PTPRD: variants seen among roughly 807,000 people sequenced by gnomAD.
The protein encoded by PTPRD is protein tyrosine phosphatase receptor type D.
PTPRD carries 34 observed loss-of-function variants against 214.5 expected under a neutral mutation model. The observed-to-expected ratio is 0.16, with a 90% CI of 0.12 to 0.21. The LOEUF is 0.21. Among genes scored for constraint, PTPRD ranks in the 10% least tolerant of loss-of-function variants. PTPRD has a pLI of 1.00. For missense variants in PTPRD, 2,545 were observed against 2,398.7 expected, an observed-to-expected ratio of 1.06 and a Z score of -1.27; for synonymous variants, 1,128 against 845.7, an observed-to-expected ratio of 1.33 and a Z score of -5.79.
chr9:9,474,695 C>T (rs2094892867), intron 8 of PTPRD, among the ~76,000 whole-genome samples: 1 of 151,242 alleles, frequency 6.6e-6, no homozygotes, highest in South Asian at 2.1e-4. Context: ...TTTTTTGTAG[C>T]TATTATAAAT....
chr9:9,766,554 T>G (rs966999308), intron 6 of PTPRD, among the ~76,000 whole-genome samples: 9 of 152,144 alleles, frequency 5.9e-5, no homozygotes, highest in African/African-American at 2.2e-4. Context: ...ATTATTTAAC[T>G]TGCAAGAGCA....
At chr9:9,973,591 G>A (rs1027270116) in intron 4 of PTPRD, among the ~76,000 whole-genome samples, 8 of 151,904 alleles carry the variant, frequency 5.3e-5, no homozygotes, top group Admixed American at 2.0e-4. Context: ...AACTTTCTTC[G>A]CTAGGAAAGG....
chr9:8,711,763 CG>C (rs1208251343), intron 12 of PTPRD, among the ~76,000 whole-genome samples: 1 of 152,176 alleles, frequency 6.6e-6, no homozygotes, highest in African/African-American at 2.4e-5. Context: ...ACTGATAAAA[CG>C]TATTTCTCCC....
chr9:8,966,380 T>A (rs1247579618), intron 11 of PTPRD, among the ~76,000 whole-genome samples: 1 of 150,834 alleles, frequency 6.6e-6, no homozygotes, highest in Non-Finnish European at 1.5e-5. Flanking sequence ...CAAAACAGCA[T>A]GGTACTGGCA....
At chr9:9,793,511 T>C (rs923450115) in intron 5 of PTPRD, among the ~76,000 whole-genome samples, 9 of 152,164 alleles carry the variant, frequency 5.9e-5, no homozygotes, top group African/African-American at 2.2e-4. Flanking sequence ...CAGATAGATA[T>C]GTACGTCTGT....
At chr9:9,596,654 G>T (rs182633502) in intron 7 of PTPRD, among the ~76,000 whole-genome samples, 1 of 152,034 alleles carries the variant, frequency 6.6e-6, no homozygotes, top group African/African-American at 2.4e-5. Flanking sequence ...ATAGTCTAGG[G>T]TATGGTTCAG....
intron 5 of PTPRD, among the ~76,000 whole-genome samples, chr9:9,909,643 T>C (rs1050815035): frequency 1.3e-5 from 2 of 151,998 alleles, no homozygotes; most frequent in South Asian, 2.1e-4. Context: ...AATTACTTTT[T>C]TAATTTCTCA....
At chr9:10,003,489 T>C (rs2096386564) in intron 4 of PTPRD, among the ~76,000 whole-genome samples, 1 of 151,736 alleles carries the variant, frequency 6.6e-6, no homozygotes, top group African/African-American at 2.4e-5. Context: ...AATTGTGTGT[T>C]CTGAATTAGA....
chr9:9,648,670 T>C (rs2096258246), intron 7 of PTPRD, among the ~76,000 whole-genome samples: 1 of 152,208 alleles, frequency 6.6e-6, no homozygotes, highest in Admixed American at 6.5e-5. Context: ...CCATATTTTG[T>C]CTATATTTAT....
At chr9:8,628,050 G>A (rs1564820127) in intron 14 of PTPRD, among the ~76,000 whole-genome samples, 1 of 151,706 alleles carries the variant, frequency 6.6e-6, no homozygotes, top group African/African-American at 2.4e-5. Flanking sequence ...GTTCTGTGTT[G>A]GCCACCCTTC....
intron 12 of PTPRD, among the ~76,000 whole-genome samples, chr9:8,670,779 G>C (rs903012096): frequency 7.2e-5 from 11 of 152,182 alleles, no homozygotes; most frequent in African/African-American, 2.7e-4. Flanking sequence ...CTAAGACTAG[G>C]GGTGTGGATG....
intron 12 of PTPRD, among the ~76,000 whole-genome samples, chr9:8,723,242 A>T (rs1196744718): frequency 2.0e-5 from 3 of 151,400 alleles, no homozygotes; most frequent in Admixed American, 2.0e-4. Flanking sequence ...GATGCTCTGA[A>T]CTCCATTTTT....
chr9:9,963,153 T>TA (rs980389201), intron 4 of PTPRD, among the ~76,000 whole-genome samples: 3 of 152,078 alleles, frequency 2.0e-5, no homozygotes, highest in African/African-American at 7.2e-5. Context: ...TCTTCCATTT[T>TA]AAAAAATGTT....
chr9:8,419,134 T>C (rs1005573297), intron 35 of PTPRD, among the ~76,000 whole-genome samples: 1 of 150,420 alleles, frequency 6.6e-6, no homozygotes, highest in South Asian at 2.1e-4. Context: ...GGCAGGAGAA[T>C]AGTTTGAGCC....
intron 10 of PTPRD, among the ~76,000 whole-genome samples, chr9:9,182,880 C>T (rs2099929063): frequency 6.6e-6 from 1 of 151,858 alleles, no homozygotes; most frequent in South Asian, 2.1e-4. Flanking sequence ...AGCTTTGTAG[C>T]TTCCAAAAGA....
Position 8,484,138 on chromosome 9 carries a change from G to T in PTPRD, c.3394C>A (p.Pro1132Thr), listed in dbSNP as rs1388350160. 1 of 1,613,758 alleles carries T rather than the reference G, an allele frequency of 6.2e-7. No homozygotes were observed. Among genetic ancestry groups the T allele is most frequent in the Admixed American group, 1.7e-5 (1 of 60,002 alleles). ...GMITVQLPEV[P>T]ANENIKGYYI... ...ACTTACTTTATATTCTCATTTGCAG[G>T]TACTTCAGGCAGTTGCACAGTAATC... Residue 1132 changes from proline to threonine, a missense_variant, in exon 30 of 46, where the codon CCT (proline) becomes ACT (threonine). Physicochemically the swap from Pro to Thr is conservative, Grantham distance 38. Transcript: ENST00000381196.
chr9:8,636,939 C>T lies in PTPRD; in HGVS notation c.65-95G>A, dbSNP rs141303595. 4.9e-4 allele frequency: 607 copies of T among 1,227,234 alleles called. 15 individuals are homozygous for T. In the East Asian group the frequency reaches 0.014, roughly 29 times the overall value. The allele number at this position is 1,227,234 out of a possible 1,614,324, so 76.0% of individuals were successfully genotyped here. ...CTCTCCCCACCATCCTCAACCACAC[C>T]GCCATCAAGACATACATTTTTACAA... On this transcript the variant is annotated intron_variant, in intron 12 of 45. Transcript: ENST00000381196.
intron 26 of PTPRD, among the ~76,000 whole-genome samples, chr9:8,494,462 G>A (rs1342239177): frequency 6.6e-6 from 1 of 152,138 alleles, no homozygotes; most frequent in Non-Finnish European, 1.5e-5. Flanking sequence ...CTACCCAAGA[G>A]CAGTATTTTA....
chr9:9,373,923 A>G (rs1034075468), intron 9 of PTPRD, among the ~76,000 whole-genome samples: 1 of 152,010 alleles, frequency 6.6e-6, no homozygotes, highest in Non-Finnish European at 1.5e-5. Flanking sequence ...ATTATATTTT[A>G]TCAATTATAT....
Sources: gnomAD v4.1 joint callset for allele counts (sites outside exome capture counted in the v4.1 genomes callset) on GRCh38, gnomAD v4.1.1 for gene constraint, MANE v1.5 for transcripts, NCBI Gene and HGNC (gene_info 2026-07-23, HGNC 2026-07-21) for gene names.